The following AP2B1 variants were observed in gnomAD, a reference collection of about 807,000 sequenced individuals.
AP2B1 encodes AP-2 complex subunit beta.
In AP2B1, 23 loss-of-function variants were observed where a neutral mutation model predicts 102.0. That is an observed-to-expected ratio of 0.23 (90% CI 0.16 to 0.32). AP2B1 has a LOEUF of 0.32. AP2B1 is among the 10% of genes least tolerant of loss of function. The pLI, the probability that AP2B1 is intolerant of heterozygous loss-of-function variation, is 1.00. For missense variants in AP2B1, 541 were observed against 1,157.4 expected (o/e 0.47, Z 7.73); for synonymous variants, 381 against 421.2 (o/e 0.90, Z 1.17).
At chr17:35,646,395 GT>G (rs56385953) in intron 12 of AP2B1, among the ~76,000 whole-genome samples, 132,309 of 152,030 alleles carry the variant, frequency 0.87, 57,987 homozygotes, top group African/African-American at 0.97. Context: ...AGTTTGAGCA[GT>G]TAGGAGATTC....
intron 20 of AP2B1, among the ~76,000 whole-genome samples, chr17:35,715,404 C>A (rs1054025299): frequency 6.6e-6 from 1 of 152,210 alleles, no homozygotes; most frequent in Non-Finnish European, 1.5e-5. Context: ...CTGGCCCTTG[C>A]CACATGTATA....
intron 16 of AP2B1, 107 bp from the exon 17 acceptor site, chr17:35,674,069 A>G (rs1361886105): frequency 1.7e-6 from 2 of 1,169,532 alleles, no homozygotes; most frequent in Non-Finnish European, 2.4e-6. Flanking sequence ...AAGGAAGTGA[A>G]TTTGTTCACT....
chr17:35,683,493 T>C (rs1396791731), intron 18 of AP2B1, among the ~76,000 whole-genome samples: 2 of 152,216 alleles, frequency 1.3e-5, no homozygotes, highest in Non-Finnish European at 2.9e-5. Flanking sequence ...TGTTTGGATT[T>C]AAATGCCCCA....
intron 14 of AP2B1, among the ~76,000 whole-genome samples, chr17:35,661,805 GTTTCATCTTCTTTTAC>G (rs1481165678): frequency 6.6e-6 from 1 of 152,014 alleles, no homozygotes; most frequent in Non-Finnish European, 1.5e-5. Context: ...ATCTTGTTCT[GTTTCATCTTCTTTTAC>G]TGTCACACTC....
At chr17:35,677,637 C>T (rs1054966020) in intron 17 of AP2B1, among the ~76,000 whole-genome samples, 1 of 151,200 alleles carries the variant, frequency 6.6e-6, no homozygotes, top group Non-Finnish European at 1.5e-5. Context: ...TCAGTTTCTA[C>T]AAAAAAAATG....
chr17:35,650,416 A>AAT (rs2075058305), intron 12 of AP2B1, 114 bp from the exon 13 acceptor site: 2 of 1,268,704 alleles, frequency 1.6e-6, no homozygotes, highest in East Asian at 4.6e-5. Context: ...GTATCTTCTT[A>AAT]ATACCCAGTC....
At chr17:35,643,968 T>C (rs2074856106) in intron 12 of AP2B1, among the ~76,000 whole-genome samples, 1 of 152,278 alleles carries the variant, frequency 6.6e-6, no homozygotes, top group South Asian at 2.1e-4. Flanking sequence ...CCATGGAAAC[T>C]ATGTAGGCCA....
intron 21 of AP2B1, among the ~76,000 whole-genome samples, chr17:35,718,697 A>G (rs2085261132): frequency 6.6e-6 from 1 of 151,998 alleles, no homozygotes; most frequent in South Asian, 2.1e-4. Context: ...GAAGAAAAAA[A>G]GGGTTGGGGG....
chr17:35,669,369 C>G (rs1170544714), intron 14 of AP2B1, among the ~76,000 whole-genome samples: 1 of 152,106 alleles, frequency 6.6e-6, no homozygotes, highest in Non-Finnish European at 1.5e-5. Context: ...GTCTCAAACT[C>G]CTGACCTCAT....
At chr17:35,627,972 T>TA (rs2142581777) in intron 9 of AP2B1, among the ~76,000 whole-genome samples, 1 of 152,320 alleles carries the variant, frequency 6.6e-6, no homozygotes, top group South Asian at 2.1e-4. Flanking sequence ...AGGTCCTCCA[T>TA]ATCCATGAGT....
intron 12 of AP2B1, among the ~76,000 whole-genome samples, chr17:35,646,641 G>A (rs1040033862): frequency 2.0e-5 from 3 of 147,970 alleles, no homozygotes; most frequent in Non-Finnish European, 3.0e-5. Context: ...GCTGGAGTGC[G>A]GTGGTGCAAT....
At chr17:35,673,677 C>T (rs933397730) in intron 16 of AP2B1, among the ~76,000 whole-genome samples, 4 of 152,008 alleles carry the variant, frequency 2.6e-5, no homozygotes, top group African/African-American at 4.8e-5. Flanking sequence ...AAGACATAGT[C>T]GATGCCTTTA....
intron 14 of AP2B1, among the ~76,000 whole-genome samples, chr17:35,663,626 A>G (rs1272024313): frequency 6.6e-6 from 1 of 152,244 alleles, no homozygotes; most frequent in Non-Finnish European, 1.5e-5. Context: ...TTGAAGCTGC[A>G]GAATAAATAT....
chr17:35,677,481 T>C (rs2075726584), intron 17 of AP2B1, among the ~76,000 whole-genome samples: 1 of 152,210 alleles, frequency 6.6e-6, no homozygotes, highest in African/African-American at 2.4e-5. Context: ...TTAAATATGT[T>C]GTAAATTAAG....
At chr17:35,591,995 C>A (rs998802160) in intron 1 of AP2B1, among the ~76,000 whole-genome samples, 2 of 152,150 alleles carry the variant, frequency 1.3e-5, no homozygotes, top group African/African-American at 4.8e-5. Context: ...AGGATCAAGA[C>A]TATAAATAGT....
intron 3 of AP2B1, among the ~76,000 whole-genome samples, chr17:35,602,549 G>GA (rs1374426817): frequency 6.6e-6 from 1 of 152,106 alleles, no homozygotes; most frequent in African/African-American, 2.4e-5. Flanking sequence ...AGGAACAGAT[G>GA]AATTAATTTT....
chr17:35,675,704 G>A (rs1460227170), intron 17 of AP2B1, among the ~76,000 whole-genome samples: 1 of 151,012 alleles, frequency 6.6e-6, no homozygotes, highest in Non-Finnish European at 1.5e-5. Context: ...CACAATCTCG[G>A]CGGCTCACTG....
chr17:35,694,165 G>A (rs587735022), intron 18 of AP2B1, among the ~76,000 whole-genome samples: 58 of 152,160 alleles, frequency 3.8e-4, no homozygotes, highest in Admixed American at 9.2e-4. Flanking sequence ...AAATTAGAGT[G>A]GAATTTTAAT....
rs550636400 is a variant in AP2B1 at position 35,659,980 on chromosome 17, G to A, written c.1989+2189G>A. On this transcript the variant is annotated intron_variant, in intron 14 of 21. Transcript: ENST00000610402. ...GTGGAAGAAGATGAGTTTCTAAGGC[G>A]GCAGTGGACTTTTAAAATGCTTTTA... The A allele has an allele frequency of 7.4e-4, 730 of 985,334 alleles. 1 individual carries two copies. The highest frequency in any genetic ancestry group is 8.4e-4 in the Non-Finnish European group (701 of 829,910). The allele number at this position is 985,334 out of a possible 1,614,324, so 61.0% of individuals were successfully genotyped here.
Sources: gnomAD v4.1 joint callset for allele counts (sites outside exome capture counted in the v4.1 genomes callset) on GRCh38, gnomAD v4.1.1 for gene constraint, MANE v1.5 for transcripts, NCBI Gene and HGNC (gene_info 2026-07-23, HGNC 2026-07-21) for gene names.